SMAD1: variants seen among roughly 807,000 people sequenced by gnomAD.
The protein encoded by SMAD1 is SMAD family member 1.
Under a neutral mutation model 41.6 loss-of-function variants are expected in SMAD1, and 6 were observed. The observed-to-expected ratio is 0.14, with a 90% CI of 0.08 to 0.28. The LOEUF (loss-of-function observed/expected upper bound fraction) is 0.28. SMAD1 is among the 10% of genes least tolerant of loss of function. The pLI, the probability that SMAD1 is intolerant of heterozygous loss-of-function variation, is 1.00. For synonymous variants in SMAD1, 206 were observed against 203.2 expected (o/e 1.01, Z -0.12); for missense variants, 379 against 582.6 (o/e 0.65, Z 3.60).
intron 2 of SMAD1, among the ~76,000 whole-genome samples, chr4:145,517,300 C>CAG (rs1326957527): frequency 2.0e-5 from 3 of 152,154 alleles, no homozygotes; most frequent in Admixed American, 2.0e-4. Context: ...TTGTCTAGCC[C>CAG]ACTCTTATTT....
At chr4:145,540,169 T>C in intron 3 of SMAD1, 108 bp downstream of exon 3, 2 of 1,274,920 alleles carry the variant, frequency 1.6e-6, no homozygotes, top group Non-Finnish European at 2.2e-6. Flanking sequence ...TCAGCCCTGG[T>C]ATATGACATA....
chr4:145,517,116 C>T lies in SMAD1; in HGVS notation c.400+2103C>T, dbSNP rs139772365. 2.8e-3 allele frequency: 429 copies of T among 152,306 alleles called. 8 individuals carry two copies. The highest frequency in any genetic ancestry group is 6.6e-3 in the East Asian group (34 of 5,182). The allele number at this position is 152,306 out of a possible 1,614,324, so 9.4% of individuals were successfully genotyped here. A position where few individuals can be genotyped will look rare whatever the true frequency, so the allele number is the denominator to read the frequency against. On this transcript the variant is annotated intron_variant, in intron 2 of 6. Transcript: ENST00000302085. ...GATCTTTTAAGATGCAGACATGATC[C>T]TCTTGTTGTCCTACTTTTCCCTACT... is the stretch of plus-strand genomic sequence containing the variant.
intron 2 of SMAD1, among the ~76,000 whole-genome samples, chr4:145,535,203 C>G (rs561745128): frequency 3.9e-5 from 6 of 152,080 alleles, no homozygotes; most frequent in Non-Finnish European, 8.8e-5. Flanking sequence ...TTGACAGACT[C>G]TATTCTGGAA....
chr4:145,506,045 T>A (rs943367790), intron 1 of SMAD1, among the ~76,000 whole-genome samples: 1 of 152,088 alleles, frequency 6.6e-6, no homozygotes, highest in Non-Finnish European at 1.5e-5. Flanking sequence ...GGTTTCACCA[T>A]GTTGGCCAGG....
intron 2 of SMAD1, among the ~76,000 whole-genome samples, chr4:145,532,662 C>A (rs1272534637): frequency 6.6e-6 from 1 of 152,176 alleles, no homozygotes; most frequent in African/African-American, 2.4e-5. Flanking sequence ...CACACTTTAG[C>A]CATATTTTGA....
rs921011866 is a variant in SMAD1 at position 145,540,734 on chromosome 4, C to CA, written c.658+690dup. Among the ~76,000 whole-genome samples the CA allele has an allele frequency of 8.7e-3, 710 of 81,484 alleles. 2 individuals carry two copies. The highest frequency in any genetic ancestry group is 0.021 in the African/African-American group (448 of 21,642). The allele number at this position is 81,484 out of a possible 152,430, so 53.5% of individuals were successfully genotyped here. ...TTACAGGTTAATGAGCAAGCATCTCCAAAAAAAAAAAAAAAAAGAGTGCCA... is the reference window on the plus strand; with the variant it reads ...TTACAGGTTAATGAGCAAGCATCTCCAAAAAAAAAAAAAAAAAAGAGTGCCA... On this transcript the variant is annotated intron_variant, in intron 3 of 6. Coordinates refer to ENST00000302085, the MANE Select transcript of SMAD1 (RefSeq NM_005900.3).
chr4:145,552,302 G>A (rs554622446), intron 5 of SMAD1, among the ~76,000 whole-genome samples: 2 of 152,292 alleles, frequency 1.3e-5, no homozygotes, highest in African/African-American at 4.8e-5. Flanking sequence ...TAACCGCTGT[G>A]TATACATATA....
At chr4:145,553,697 A>AT in intron 5 of SMAD1, 87 bp from the exon 6 acceptor site, 1 of 1,206,888 alleles carries the variant, frequency 8.3e-7, no homozygotes. Flanking sequence ...ATCCATGTAT[A>AT]TTTAAGTTTC....
rs79181081 is a variant in SMAD1 at position 145,509,382 on chromosome 4, G to A, written c.-176-5056G>A. 5.3e-3 allele frequency among the ~76,000 whole-genome samples: 803 copies of A among 152,114 alleles called. 9 individuals carry two copies. The highest frequency in any genetic ancestry group is 0.017 in the African/African-American group (689 of 41,498). On this transcript the variant is annotated intron_variant, in intron 1 of 6. Coordinates refer to ENST00000302085, the MANE Select transcript of SMAD1 (RefSeq NM_005900.3). ...AATACAGCTTTGTTGAATGAATGTC[G>A]ATTTGAATAGTTAAAACAAAAATCT... is the stretch of plus-strand genomic sequence containing the variant.
intron 4 of SMAD1, chr4:145,545,538 G>A (rs1258913262): frequency 2.1e-5 from 2 of 97,452 alleles, no homozygotes; most frequent in African/African-American, 9.7e-5. Flanking sequence ...TTTTTCATGA[G>A]TATTTTCCTT....
intron 2 of SMAD1, among the ~76,000 whole-genome samples, chr4:145,522,703 G>A (rs1730815241): frequency 1.3e-5 from 2 of 151,862 alleles, no homozygotes; most frequent in African/African-American, 4.8e-5. Context: ...AATTTGAGAT[G>A]GAGTCTCGCC....
intron 1 of SMAD1, chr4:145,503,900 G>C (rs1729614082): frequency 6.6e-6 from 1 of 152,312 alleles, no homozygotes; most frequent in African/African-American, 2.4e-5. Context: ...ATGGTGTCCT[G>C]TCCAGGGGTG....
chr4:145,503,686 T>C (rs961667531), intron 1 of SMAD1, among the ~76,000 whole-genome samples: 1 of 152,224 alleles, frequency 6.6e-6, no homozygotes, highest in African/African-American at 2.4e-5. Flanking sequence ...CATTTCCTTA[T>C]AACGTTGATG....
In SMAD1 at chr4:145,515,771, G is replaced by A. The variant is rs540563683; in HGVS notation, c.400+758G>A. 2.1e-3 allele frequency among the ~76,000 whole-genome samples: 315 copies of A among 152,214 alleles called. 1 individual carries two copies. The highest frequency in any genetic ancestry group is 7.3e-3 in the African/African-American group (305 of 41,536). ...TCAAGCACTTAAATGTCTCATTGTC[G>A]ATTGGGACCAATTTTGTTGATGGAT... On this transcript the variant is annotated intron_variant, in intron 2 of 6. Transcript: ENST00000302085.
In SMAD1 at chr4:145,559,065, T is replaced by G. The variant is rs1013750551; in HGVS notation, c.*1131T>G. 6.6e-6 allele frequency among the ~76,000 whole-genome samples: 1 copy of G among 152,234 alleles called. No homozygotes were observed. The highest frequency in any genetic ancestry group is 6.5e-5 in the Admixed American group (1 of 15,286). ...GGTTTTATTTTCCTTCTGTTAATCT[T>G]TTGTATTCACTTATGCTCTCGTACA... is the stretch of plus-strand genomic sequence containing the variant. On this transcript the variant is annotated 3_prime_UTR_variant, in exon 7 of 7. Coordinates refer to ENST00000302085, the MANE Select transcript of SMAD1 (RefSeq NM_005900.3).
chr4:145,552,070 G>T (rs996090936), intron 5 of SMAD1, among the ~76,000 whole-genome samples: 1 of 152,202 alleles, frequency 6.6e-6, no homozygotes, highest in Non-Finnish European at 1.5e-5. Context: ...TGAATACAGT[G>T]TATCAAACTA....
intron 4 of SMAD1, chr4:145,545,956 G>A (rs1451234103): frequency 6.6e-6 from 1 of 152,240 alleles, no homozygotes; most frequent in Non-Finnish European, 1.5e-5. Flanking sequence ...TGTCAGTAAA[G>A]TTGGGTAATT....
chr4:145,521,465 G>A (rs921129609), intron 2 of SMAD1, among the ~76,000 whole-genome samples: 3 of 152,050 alleles, frequency 2.0e-5, no homozygotes, highest in Non-Finnish European at 2.9e-5. Flanking sequence ...TAGCTTCCAG[G>A]TGCTTTCATT....
At chr4:145,498,609 A>G (rs1729233756) in intron 1 of SMAD1, among the ~76,000 whole-genome samples, 1 of 152,176 alleles carries the variant, frequency 6.6e-6, no homozygotes, top group Non-Finnish European at 1.5e-5. Flanking sequence ...AAAGGTAACT[A>G]CTTGTTCAGT....
Sources: allele counts gnomAD v4.1 joint callset (sites outside exome capture counted in the v4.1 genomes callset), GRCh38; gene constraint gnomAD v4.1.1; transcripts MANE v1.5; gene names NCBI Gene and HGNC (gene_info 2026-07-23, HGNC 2026-07-21).